LPP: variants seen among roughly 807,000 people sequenced by gnomAD.
LPP encodes the protein LIM domain containing preferred translocation partner in lipoma, also known as lipoma-preferred partner.
Under a neutral mutation model 60.4 loss-of-function variants are expected in LPP, and 38 were observed. The observed-to-expected ratio is 0.63, with a 90% CI of 0.49 to 0.83. The LOEUF (loss-of-function observed/expected upper bound fraction) is 0.83, where lower values mean the gene tolerates loss of function less well. Ranked by LOEUF, LPP falls within the 40% of genes least tolerant of loss-of-function variation. The pLI is 0.00. For synonymous variants in LPP, 328 were observed against 290.8 expected, an observed-to-expected ratio of 1.13 and a Z score of -1.30; for missense variants, 902 against 783.6, an observed-to-expected ratio of 1.15 and a Z score of -1.80.
chr3:188,765,450 T>A (rs1733727186), intron 9 of LPP, among the ~76,000 whole-genome samples: 1 of 152,188 alleles, frequency 6.6e-6, no homozygotes, highest in African/African-American at 2.4e-5. Context: ...TTAAGCATGT[T>A]ACCCACTGGG....
chr3:188,859,622 A>T (rs781118777), intron 9 of LPP, among the ~76,000 whole-genome samples: 4 of 152,186 alleles, frequency 2.6e-5, no homozygotes, highest in Non-Finnish European at 4.4e-5. Context: ...CTGCAATATT[A>T]GAGTAAGTGA....
At chr3:188,689,671 C>T (rs185992421) in intron 7 of LPP, among the ~76,000 whole-genome samples, 2 of 152,282 alleles carry the variant, frequency 1.3e-5, no homozygotes, top group Admixed American at 6.5e-5. Flanking sequence ...CTTCACAGTT[C>T]CTAATAGTCT....
intron 2 of LPP, among the ~76,000 whole-genome samples, chr3:188,329,306 A>G (rs1560255658): frequency 6.6e-6 from 1 of 152,224 alleles, no homozygotes; most frequent in Non-Finnish European, 1.5e-5. Flanking sequence ...TTCCTGCTCC[A>G]CTTTCAGGAA....
At chr3:188,486,581 A>G (rs896573035) in intron 5 of LPP, among the ~76,000 whole-genome samples, 13 of 152,228 alleles carry the variant, frequency 8.5e-5, no homozygotes, top group African/African-American at 2.6e-4. Flanking sequence ...TGGGGAGTGT[A>G]TTTTCATATA....
At chr3:188,859,746 G>T (rs1764733868) in intron 9 of LPP, among the ~76,000 whole-genome samples, 1 of 152,142 alleles carries the variant, frequency 6.6e-6, no homozygotes, top group Non-Finnish European at 1.5e-5. Flanking sequence ...AACAAAAAAA[G>T]TTGAAATTAT....
intron 7 of LPP, among the ~76,000 whole-genome samples, chr3:188,637,375 G>C (rs1260540451): frequency 6.6e-6 from 1 of 152,050 alleles, no homozygotes; most frequent in Non-Finnish European, 1.5e-5. Context: ...TGTGTAGAGG[G>C]AAATTTATAG....
intron 6 of LPP, among the ~76,000 whole-genome samples, chr3:188,556,529 C>T (rs1283886363): frequency 1.3e-5 from 2 of 151,884 alleles, no homozygotes; most frequent in African/African-American, 4.8e-5. Flanking sequence ...ACTTATATTT[C>T]CTTCTTACCC....
intron 8 of LPP, among the ~76,000 whole-genome samples, chr3:188,724,051 C>A (rs1717462902): frequency 6.6e-6 from 1 of 152,032 alleles, no homozygotes; most frequent in South Asian, 2.1e-4. Context: ...GATCCTAAAC[C>A]ATTCTCACTA....
intron 4 of LPP, among the ~76,000 whole-genome samples, chr3:188,411,315 G>A (rs527812686): frequency 5.3e-5 from 8 of 152,216 alleles, no homozygotes; most frequent in Non-Finnish European, 1.0e-4. Context: ...CTGTTGGTGG[G>A]AATGTAAACT....
intron 2 of LPP, among the ~76,000 whole-genome samples, chr3:188,258,005 C>T (rs1029621779): frequency 6.6e-6 from 1 of 152,216 alleles, no homozygotes; most frequent in African/African-American, 2.4e-5. Flanking sequence ...ATAAGTAAAA[C>T]CAGCGCTGAG....
chr3:188,611,887 C>A (rs1026612014), intron 7 of LPP, among the ~76,000 whole-genome samples: 5 of 152,220 alleles, frequency 3.3e-5, no homozygotes, highest in African/African-American at 9.6e-5. Context: ...ACTGCTAGAA[C>A]TGGATCTAAA....
chr3:188,300,057 T>C (rs1255485200), intron 2 of LPP, among the ~76,000 whole-genome samples: 2 of 152,224 alleles, frequency 1.3e-5, no homozygotes, highest in Non-Finnish European at 1.5e-5. Flanking sequence ...GAAAGTTACA[T>C]AGACTCTTTT....
At chr3:188,694,614 A>G (rs1388258921) in intron 7 of LPP, among the ~76,000 whole-genome samples, 2 of 152,058 alleles carry the variant, frequency 1.3e-5, no homozygotes, top group African/African-American at 4.8e-5. Flanking sequence ...AGGCAGGAGA[A>G]TCACTTGAAC....
intron 9 of LPP, among the ~76,000 whole-genome samples, chr3:188,858,373 A>AT (rs59446226): frequency 1.3e-5 from 2 of 152,182 alleles, no homozygotes; most frequent in African/African-American, 4.8e-5. Context: ...ATCAGAACAC[A>AT]TTCAAAAGAA....
chr3:188,429,422 T>C (rs1239260198), intron 4 of LPP, among the ~76,000 whole-genome samples: 1 of 152,198 alleles, frequency 6.6e-6, no homozygotes, highest in African/African-American at 2.4e-5. Flanking sequence ...GACACGAGGC[T>C]TAATGGTAAC....
chr3:188,697,734 C>G (rs898668578), intron 7 of LPP, among the ~76,000 whole-genome samples: 1 of 152,188 alleles, frequency 6.6e-6, no homozygotes, highest in Non-Finnish European at 1.5e-5. Flanking sequence ...CATAATATCA[C>G]AATCCTGACA....
intron 2 of LPP, among the ~76,000 whole-genome samples, chr3:188,246,550 A>G (rs542522855): frequency 8.5e-5 from 13 of 152,320 alleles, no homozygotes; most frequent in East Asian, 3.9e-4. Context: ...TAAATAGTCT[A>G]AATAGGGCAT....
chr3:188,399,826 G>T (rs956259373), intron 3 of LPP, among the ~76,000 whole-genome samples: 7 of 152,114 alleles, frequency 4.6e-5, no homozygotes, highest in Non-Finnish European at 1.0e-4. Flanking sequence ...AATCTTTTTA[G>T]AAGAGTAGCA....
In LPP at chr3:188,747,905, A is replaced by G. The variant is rs571759143; in HGVS notation, c.1241-12208A>G. ...CCTCATGGGTCTCCCTCTGAGCTCC[A>G]GTGTAACATCGGGTGTCAAGTATTT... On this transcript the variant is annotated intron_variant, in intron 8 of 11. Coordinates refer to ENST00000617246, the MANE Select transcript of LPP (RefSeq NM_001375462.1). Among the ~76,000 whole-genome samples, 67 of 152,328 alleles carry G rather than the reference A, an allele frequency of 4.4e-4. 1 individual carries two copies. The South Asian group carries it at 0.014, about 32-fold the overall frequency.
Sources: allele counts gnomAD v4.1 joint callset (sites outside exome capture counted in the v4.1 genomes callset), GRCh38; gene constraint gnomAD v4.1.1; transcripts MANE v1.5; gene names NCBI Gene and HGNC (gene_info 2026-07-23, HGNC 2026-07-21).